The following KBTBD12 variants were observed in gnomAD, a reference collection of about 807,000 sequenced individuals.
KBTBD12 encodes the protein kelch repeat and BTB domain-containing protein 12.
In KBTBD12, 53 loss-of-function variants were observed where a neutral mutation model predicts 58.7. That is an observed-to-expected ratio of 0.90 (90% CI 0.72 to 1.14). The LOEUF is 1.14. Ranked by LOEUF, KBTBD12 falls within the 50% of genes most tolerant of loss-of-function variation. KBTBD12 has a pLI of 0.00. For synonymous variants in KBTBD12, 236 were observed against 259.8 expected, an observed-to-expected ratio of 0.91 and a Z score of 0.88; for missense variants, 704 against 751.3, an observed-to-expected ratio of 0.94 and a Z score of 0.74.
At chr3:127,929,997 G>A (rs1939664488) in intron 3 of KBTBD12, 136 bp from the exon 4 acceptor site, 1 of 685,754 alleles carries the variant, frequency 1.5e-6, no homozygotes, top group African/African-American at 1.8e-5. Context: ...ATGGGGTTTG[G>A]TGTGTTTGTG....
chr3:127,943,894 T>C lies in KBTBD12; in HGVS notation c.1492+13611T>C, dbSNP rs1268664582. Among the ~76,000 whole-genome samples the C allele has an allele frequency of 2.0e-5, 3 of 152,318 alleles. No individual in the cohort carries two copies. The East Asian group carries it at 5.8e-4, about 29-fold the overall frequency. ...GTAAGATAAGGTCCAATTTCATTTT[T>C]TGCATGTGGATATTCATTTTTCCTG... On this transcript the variant is annotated intron_variant, in intron 4 of 5. Coordinates refer to ENST00000405109, the MANE Select transcript of KBTBD12 (RefSeq NM_207335.4).
intron 4 of KBTBD12, among the ~76,000 whole-genome samples, chr3:127,933,447 C>G (rs975685311): frequency 1.3e-5 from 2 of 152,262 alleles, no homozygotes; most frequent in African/African-American, 2.4e-5. Flanking sequence ...GTTGGTACAA[C>G]AGCCCACAAA....
chr3:127,927,680 G>T, intron 2 of KBTBD12, 84 bp from the exon 3 acceptor site: 4 of 997,234 alleles, frequency 4.0e-6, no homozygotes, highest in East Asian at 2.5e-5. Flanking sequence ...CATTATTTTT[G>T]GTCAGAAAAT....
chr3:127,940,434 CA>C (rs944957639), intron 4 of KBTBD12, among the ~76,000 whole-genome samples: 4 of 152,064 alleles, frequency 2.6e-5, no homozygotes, highest in Non-Finnish European at 4.4e-5. Flanking sequence ...GAATAGTCTT[CA>C]AATACTTGAA....
intron 2 of KBTBD12, among the ~76,000 whole-genome samples, chr3:127,927,075 G>T (rs1939588914): frequency 6.6e-6 from 1 of 152,122 alleles, no homozygotes; most frequent in African/African-American, 2.4e-5. Flanking sequence ...AGAAGGCATT[G>T]AGAGACCATA....
intron 5 of KBTBD12, among the ~76,000 whole-genome samples, chr3:127,980,369 G>T (rs192017440): frequency 9.8e-4 from 149 of 151,784 alleles, no homozygotes; most frequent in African/African-American, 3.5e-3. Flanking sequence ...TCGCTCTGTC[G>T]CGCAGGCTGG....
At chr3:127,974,687 A>G (rs1327660062) in intron 5 of KBTBD12, among the ~76,000 whole-genome samples, 3 of 152,096 alleles carry the variant, frequency 2.0e-5, no homozygotes, top group Non-Finnish European at 2.9e-5. Context: ...TAAGTTTCCA[A>G]GTATAAAAAT....
At chr3:127,930,952 T>C (rs1447570438) in intron 4 of KBTBD12, among the ~76,000 whole-genome samples, 1 of 152,144 alleles carries the variant, frequency 6.6e-6, no homozygotes, top group Non-Finnish European at 1.5e-5. Flanking sequence ...CTCTTTTAAG[T>C]ACATTCCATC....
chr3:127,956,452 T>C, intron 4 of KBTBD12, among the ~76,000 whole-genome samples: 1 of 150,314 alleles, frequency 6.7e-6, no homozygotes, highest in East Asian at 2.0e-4. Context: ...ACTCTGAGTG[T>C]CTTATGGACA....
chr3:127,974,168 C>A (rs1040028180), intron 5 of KBTBD12, among the ~76,000 whole-genome samples: 1 of 152,148 alleles, frequency 6.6e-6, no homozygotes, highest in Non-Finnish European at 1.5e-5. Context: ...GTGCAGAGAG[C>A]AATTATATCA....
At chr3:127,975,345 C>G (rs1940765247) in intron 5 of KBTBD12, among the ~76,000 whole-genome samples, 1 of 152,204 alleles carries the variant, frequency 6.6e-6, no homozygotes, top group Admixed American at 6.5e-5. Flanking sequence ...TGTAGTCAGC[C>G]TGTTCTGGAA....
chr3:127,933,293 C>G (rs1301971806), intron 4 of KBTBD12, among the ~76,000 whole-genome samples: 1 of 152,098 alleles, frequency 6.6e-6, no homozygotes, highest in African/African-American at 2.4e-5. Context: ...GGTAATACTG[C>G]TAGAGTGGGG....
intron 5 of KBTBD12, among the ~76,000 whole-genome samples, chr3:127,972,927 A>G (rs1191151814): frequency 6.6e-6 from 1 of 152,238 alleles, no homozygotes; most frequent in African/African-American, 2.4e-5. Context: ...GAAATCATCA[A>G]TGGATGCTAA....
At chr3:127,942,702 C>CTATATATATATATATATATAACTA (rs58969843) in intron 4 of KBTBD12, among the ~76,000 whole-genome samples, 1 of 142,484 alleles carries the variant, frequency 7.0e-6, no homozygotes, top group African/African-American at 2.6e-5. Flanking sequence ...ATATATATAA[C>CTATATATATATATATATATAACTA]TATATATATA....
At chr3:127,961,009 C>T (rs1015310731) in intron 4 of KBTBD12, among the ~76,000 whole-genome samples, 7 of 152,136 alleles carry the variant, frequency 4.6e-5, no homozygotes, top group Admixed American at 4.6e-4. Flanking sequence ...CTGGTTGCTC[C>T]GTGTGCCCTA....
intron 5 of KBTBD12, among the ~76,000 whole-genome samples, chr3:127,972,944 C>T (rs777045708): frequency 1.3e-5 from 2 of 152,084 alleles, no homozygotes; most frequent in Non-Finnish European, 2.9e-5. Flanking sequence ...CTAAAAGCAT[C>T]GGTTGAAAGG....
At chr3:127,954,960 T>C (rs1940290902) in intron 4 of KBTBD12, among the ~76,000 whole-genome samples, 1 of 152,236 alleles carries the variant, frequency 6.6e-6, no homozygotes, top group Non-Finnish European at 1.5e-5. Context: ...TGCCAGTCGC[T>C]GCCCTTGTCA....
intron 3 of KBTBD12, 97 bp from the exon 4 acceptor site, chr3:127,930,036 T>G: frequency 8.9e-7 from 1 of 1,121,856 alleles, no homozygotes. Flanking sequence ...TAACCTCTAT[T>G]TATCTCCTTG....
intron 4 of KBTBD12, among the ~76,000 whole-genome samples, chr3:127,957,652 C>CA (rs1046922482): frequency 1.0e-4 from 15 of 146,302 alleles, no homozygotes; most frequent in East Asian, 3.9e-4. Context: ...CAACCGCCAC[C>CA]AAAAAAAAAA....
Sources: allele counts gnomAD v4.1 joint callset (sites outside exome capture counted in the v4.1 genomes callset), GRCh38; gene constraint gnomAD v4.1.1; transcripts MANE v1.5; gene names NCBI Gene and HGNC (gene_info 2026-07-23, HGNC 2026-07-21).